C3orf85: variants seen among roughly 807,000 people sequenced by gnomAD.
C3orf85 encodes the protein chromosome 3 open reading frame 85.
C3orf85 carries 1 observed loss-of-function variant against 1.7 expected under a neutral mutation model. That is an observed-to-expected ratio of 0.60 (90% CI 0.21 to 2.86). The LOEUF is 2.86. Ranked by LOEUF, C3orf85 falls within the 30% of genes most tolerant of loss-of-function variation. The pLI is 0.22. For synonymous variants in C3orf85, 17 were observed against 8.0 expected, an observed-to-expected ratio of 2.13 and a Z score of -1.90; for missense variants, 29 against 21.3, an observed-to-expected ratio of 1.36 and a Z score of -0.72.
Position 109,151,067 on chromosome 3 carries a change from G to A in C3orf85, c.*1173G>A, listed in dbSNP as rs1317783893. Reference sequence around the variant, plus strand: ...AGGTGTTTTCAGTGAGAAATTTAAGGCTAATTTATAACTTATTAAGTTAAC... The same window carrying A: ...AGGTGTTTTCAGTGAGAAATTTAAGACTAATTTATAACTTATTAAGTTAAC... On this transcript the variant is annotated 3_prime_UTR_variant, in exon 4 of 4. Coordinates refer to ENST00000622536, the MANE Select transcript of C3orf85 (RefSeq NM_001351622.2). Among the ~76,000 whole-genome samples, 1 of 152,108 alleles carries A rather than the reference G, an allele frequency of 6.6e-6. No homozygotes were observed. Among genetic ancestry groups the A allele is most frequent in the Non-Finnish European group, 1.5e-5 (1 of 68,040 alleles).
At chr3:109,139,813 G>A (rs2107832683) in intron 2 of C3orf85, among the ~76,000 whole-genome samples, 1 of 152,296 alleles carries the variant, frequency 6.6e-6, no homozygotes, top group South Asian at 2.1e-4. Flanking sequence ...ATAATAAGCT[G>A]CCTTTGGTCT....
At chr3:109,143,917 A>G (rs370121055) in intron 2 of C3orf85, among the ~76,000 whole-genome samples, 2 of 152,300 alleles carry the variant, frequency 1.3e-5, no homozygotes, top group East Asian at 3.9e-4. Flanking sequence ...TTTCTACTTT[A>G]CAGAATTTTC....
Position 109,140,117 on chromosome 3 carries a change from A to C in C3orf85, c.49+3221A>C, listed in dbSNP as rs373389302. 3.9e-5 allele frequency among the ~76,000 whole-genome samples: 6 copies of C among 152,132 alleles called. No individual in the cohort carries two copies. The East Asian group carries it at 5.8e-4, about 15-fold the overall frequency. ...AAAGATTTTGTTCTTAATTTTACCTACTCACTTGGGCTTATGACTGATTGA... is the reference window on the plus strand; with the variant it reads ...AAAGATTTTGTTCTTAATTTTACCTCCTCACTTGGGCTTATGACTGATTGA... On this transcript the variant is annotated intron_variant, in intron 2 of 3. Coordinates refer to ENST00000622536, the MANE Select transcript of C3orf85 (RefSeq NM_001351622.2).
chr3:109,148,024 A>G (rs1320504266), intron 2 of C3orf85, among the ~76,000 whole-genome samples: 3 of 152,194 alleles, frequency 2.0e-5, no homozygotes, highest in African/African-American at 2.4e-5. Flanking sequence ...CATCCACCAC[A>G]TAGCACTGGC....
intron 2 of C3orf85, among the ~76,000 whole-genome samples, chr3:109,142,487 C>A (rs528435456): frequency 1.3e-5 from 2 of 152,110 alleles, no homozygotes; most frequent in Non-Finnish European, 2.9e-5. Flanking sequence ...TCAGGTAATA[C>A]CCCAGATATC....
intron 3 of C3orf85, 145 bp from the exon 4 acceptor site, chr3:109,149,660 G>A (rs1379161585): frequency 5.2e-6 from 2 of 386,392 alleles, no homozygotes; most frequent in African/African-American, 2.1e-5. Flanking sequence ...ATAATTAAAA[G>A]TATGAAAACC....
At chr3:109,143,491 T>C (rs1706763230) in intron 2 of C3orf85, among the ~76,000 whole-genome samples, 1 of 152,190 alleles carries the variant, frequency 6.6e-6, no homozygotes, top group Admixed American at 6.5e-5. Context: ...CTGTTTTGTT[T>C]TAATTATTGG....
At chr3:109,144,449 A>C (rs1357586770) in intron 2 of C3orf85, among the ~76,000 whole-genome samples, 2 of 152,188 alleles carry the variant, frequency 1.3e-5, no homozygotes, top group Admixed American at 1.3e-4. Flanking sequence ...TGGTGTTATC[A>C]TCATCATCAA....
At chr3:109,137,414 C>A in intron 2 of C3orf85, among the ~76,000 whole-genome samples, 1 of 151,714 alleles carries the variant, frequency 6.6e-6, no homozygotes, top group Non-Finnish European at 1.5e-5. Context: ...ACTGAGAGGT[C>A]ATTTGTTTTG....
At chr3:109,148,585 A>G (rs1706826818) in intron 3 of C3orf85, 199 bp downstream of exon 3, 1 of 520,706 alleles carries the variant, frequency 1.9e-6, no homozygotes. Context: ...ACTAGACTCA[A>G]ATGTCCCTCT....
At chr3:109,137,668 T>TATATATATATATAA (rs1359245592) in intron 2 of C3orf85, among the ~76,000 whole-genome samples, 1 of 142,044 alleles carries the variant, frequency 7.0e-6, no homozygotes, top group South Asian at 2.2e-4. Context: ...TATATATATA[T>TATATATATATATAA]AAAATAAGCC....
At chr3:109,149,750 G>C (rs1225086937) in intron 3 of C3orf85, 55 bp from the exon 4 acceptor site, 1 of 397,620 alleles carries the variant, frequency 2.5e-6, no homozygotes, top group Non-Finnish European at 4.4e-6. Flanking sequence ...AATAACTGAT[G>C]CAAGATGTGT....
rs555257069 is a variant in C3orf85 at position 109,149,723 on chromosome 3, A to T, written c.184-82A>T. On this transcript the variant is annotated intron_variant, in intron 3 of 3. Coordinates refer to ENST00000622536, the MANE Select transcript of C3orf85 (RefSeq NM_001351622.2). Reference sequence around the variant, plus strand: ...TATATTTTTCTCATCTTTTAGGAATATCTGTATGATAATCAGAATAACTGA... The same window carrying T: ...TATATTTTTCTCATCTTTTAGGAATTTCTGTATGATAATCAGAATAACTGA... 4.5e-4 allele frequency: 178 copies of T among 396,672 alleles called. 3 individuals are homozygous for T. Among genetic ancestry groups the T allele is most frequent in the African/African-American group, 3.3e-3 (160 of 48,680 alleles). 24.6% of individuals were successfully genotyped at this position (396,672 alleles called of 1,614,324 possible).
chr3:109,148,980 C>T (rs1348889153), intron 3 of C3orf85: 5 of 152,116 alleles, frequency 3.3e-5, no homozygotes, highest in African/African-American at 4.8e-5. Flanking sequence ...TTTGCATTCT[C>T]GCTGCAAAAG....
At chr3:109,142,659 C>T (rs1385853492) in intron 2 of C3orf85, among the ~76,000 whole-genome samples, 1 of 150,914 alleles carries the variant, frequency 6.6e-6, no homozygotes. Flanking sequence ...TTGTGCCTAT[C>T]TGGGAATGAC....
Position 109,149,821 on chromosome 3 carries a change from T to C in C3orf85, c.200T>C (p.Ile67Thr). 5.0e-6 allele frequency: 2 copies of C among 398,552 alleles called. No homozygotes were observed. The highest frequency in any genetic ancestry group is 8.9e-6 in the Non-Finnish European group (2 of 225,664). 24.7% of individuals were successfully genotyped at this position (398,552 alleles called of 1,614,324 possible). ...TTCTTGAAGGCTCGTGAAACATGGA[T>C]TGCTTTGAAAACAACAGCACAGTAT... ...TLAKQARETWIALKTTAQYYL... is the reference protein window; with the variant it reads ...TLAKQARETWTALKTTAQYYL... The change falls in exon 4 of 4, where the codon ATT becomes ACT. Residue 67 changes from isoleucine (I) to threonine (T), a missense_variant. By Grantham distance (89) the Ile-to-Thr change is moderately conservative. Coordinates refer to ENST00000622536, the MANE Select transcript of C3orf85 (RefSeq NM_001351622.2).
intron 2 of C3orf85, among the ~76,000 whole-genome samples, chr3:109,147,102 C>G (rs1376560104): frequency 6.6e-6 from 1 of 152,076 alleles, no homozygotes. Flanking sequence ...TCTCCTTCTC[C>G]CATCCTGCTA....
intron 2 of C3orf85, among the ~76,000 whole-genome samples, chr3:109,143,720 G>T (rs1450001523): frequency 6.6e-6 from 1 of 152,168 alleles, no homozygotes; most frequent in Non-Finnish European, 1.5e-5. Flanking sequence ...GACCTTAGTG[G>T]TTGTGTAATC....
chr3:109,143,259 T>C (rs958217449), intron 2 of C3orf85, among the ~76,000 whole-genome samples: 52 of 152,358 alleles, frequency 3.4e-4, no homozygotes, highest in African/African-American at 1.2e-3. Flanking sequence ...CTTTTAGATA[T>C]ATAGGTTCCT....
Sources: gnomAD v4.1 joint callset for allele counts (sites outside exome capture counted in the v4.1 genomes callset) on GRCh38, gnomAD v4.1.1 for gene constraint, MANE v1.5 for transcripts, NCBI Gene and HGNC (gene_info 2026-07-23, HGNC 2026-07-21) for gene names.